Variants in VAV3 observed in about 807,000 individuals in gnomAD.
VAV3 encodes guanine nucleotide exchange factor VAV3.
A neutral mutation model predicts 131.2 loss-of-function variants in VAV3; 94 were observed. That is an observed-to-expected ratio of 0.72 (90% confidence interval 0.61 to 0.85). The LOEUF (loss-of-function observed/expected upper bound fraction) is 0.85. Ranked by LOEUF, VAV3 falls within the 40% of genes least tolerant of loss-of-function variation. The probability of loss-of-function intolerance (pLI) is 0.00; values close to 1 mark genes in which losing one functional copy is unlikely to be tolerated. For missense variants in VAV3, 939 were observed against 1,002.7 expected, an observed-to-expected ratio of 0.94 and a Z score of 0.86; for synonymous variants, 349 against 342.0, an observed-to-expected ratio of 1.02 and a Z score of -0.22.
intron 1 of VAV3, among the ~76,000 whole-genome samples, chr1:107,942,955 C>T (rs531161302): frequency 3.3e-5 from 5 of 152,298 alleles, no homozygotes; most frequent in South Asian, 2.1e-4. Flanking sequence ...ACAAAACTCA[C>T]GTTTTCTTGT....
intron 15 of VAV3, among the ~76,000 whole-genome samples, chr1:107,716,562 C>T (rs1661104940): frequency 1.3e-5 from 2 of 152,206 alleles, no homozygotes; most frequent in African/African-American, 4.8e-5. Flanking sequence ...GTTGAACCAG[C>T]CTTGCATCCC....
chr1:107,602,319 A>C (rs745967160), intron 24 of VAV3, 78 bp downstream of exon 24: 15 of 1,078,456 alleles, frequency 1.4e-5, no homozygotes, highest in Non-Finnish European at 1.9e-5. Context: ...AATTTCCAAG[A>C]AACTATAGAA....
intron 2 of VAV3, among the ~76,000 whole-genome samples, chr1:107,806,605 T>C (rs1667068503): frequency 6.6e-6 from 1 of 152,170 alleles, no homozygotes; most frequent in Admixed American, 6.5e-5. Context: ...AATACCAATA[T>C]TTTTATTGTA....
At chr1:107,784,632 G>T (rs1305417344) in intron 2 of VAV3, among the ~76,000 whole-genome samples, 1 of 152,146 alleles carries the variant, frequency 6.6e-6, no homozygotes, top group East Asian at 1.9e-4. Context: ...TCTGTTCATT[G>T]GTCTTTCAAT....
intron 2 of VAV3, among the ~76,000 whole-genome samples, chr1:107,827,685 T>C (rs1668074001): frequency 6.6e-6 from 1 of 152,160 alleles, no homozygotes; most frequent in Non-Finnish European, 1.5e-5. Flanking sequence ...ATCAAACATA[T>C]CTGAAGTTCC....
intron 15 of VAV3, among the ~76,000 whole-genome samples, chr1:107,723,563 C>T (rs1057209697): frequency 9.4e-6 from 1 of 106,706 alleles, no homozygotes; most frequent in African/African-American, 3.0e-5. Flanking sequence ...GTAATGTTTC[C>T]AGCTTCTGAG....
Position 107,574,162 on chromosome 1 carries a change from C to T in VAV3, c.2387G>A (p.Arg796Gln), listed in dbSNP as rs142668144. The change falls in exon 26 of 27, where the codon CGG becomes CAG. Residue 796 changes from arginine to glutamine, a missense_variant. Arg to Gln is a conservative substitution (Grantham distance 43). Transcript: ENST00000370056. ...CATATCTCTTGCACAGAAGTCATAC[C>T]GAGCGATGGCAATGCCCAGCACTTT... ...SPKVLGIAIA[R>Q]YDFCARDMRE... The T allele has an allele frequency of 1.2e-5, 19 of 1,613,904 alleles. No homozygotes were observed. The highest frequency in any genetic ancestry group is 8.0e-5 in the African/African-American group (6 of 75,028).
Position 107,596,277 on chromosome 1 carries a change from A to T in VAV3, c.2285T>A (p.Leu762Gln). ...KEGFRTLDTTLQFPYKEPEHS... is the reference protein window; with the variant it reads ...KEGFRTLDTTQQFPYKEPEHS... ...TTCTGGCTCCTTGTATGGAAACTGC[A>T]GAGTTGTATCTAAGGTTCTGAACCC... The change falls in exon 25 of 27, where the codon CTG (leucine) becomes CAG (glutamine). Residue 762 changes from leucine to glutamine, a missense_variant. By Grantham distance (113) the Leu-to-Gln change is moderately radical. Transcript: ENST00000370056. The T allele has an allele frequency of 6.2e-7, 1 of 1,613,656 alleles. No individual in the cohort carries two copies. The highest frequency in any genetic ancestry group is 8.5e-7 in the Non-Finnish European group (1 of 1,179,618).
chr1:107,809,007 T>C (rs17020085), intron 2 of VAV3, among the ~76,000 whole-genome samples: 12,639 of 152,138 alleles, frequency 0.083, 776 homozygotes, highest in East Asian at 0.27. Context: ...AGAAATAAGC[T>C]ATTCTAAACT....
chr1:107,839,610 C>T (rs2100917441), intron 2 of VAV3, among the ~76,000 whole-genome samples: 1 of 151,878 alleles, frequency 6.6e-6, no homozygotes, highest in Middle Eastern at 3.4e-3. Context: ...AAGCTTCCAC[C>T]CTAGGAAACT....
At chr1:107,820,789 CATTTCTCTGATCACCCATTTTTAAAA>C (rs1234798128) in intron 2 of VAV3, 1 of 152,090 alleles carries the variant, frequency 6.6e-6, no homozygotes, top group Admixed American at 6.6e-5. Context: ...AACTGACCTT[CATTTCTCTGATCACCCATTTTTAAAA>C]GTCTTTCCAA....
chr1:107,724,700 C>G (rs2494045), intron 15 of VAV3, among the ~76,000 whole-genome samples: 140,330 of 152,138 alleles, frequency 0.92, 64,830 homozygotes, highest in East Asian at 1. Context: ...TTCCCTAGCA[C>G]ACCTCAGCAG....
chr1:107,938,981 T>G (rs1369752549), intron 1 of VAV3, among the ~76,000 whole-genome samples: 3 of 152,202 alleles, frequency 2.0e-5, no homozygotes, highest in African/African-American at 7.2e-5. Context: ...CTATATCCAA[T>G]CCAGCTGATT....
intron 1 of VAV3, among the ~76,000 whole-genome samples, chr1:107,914,896 G>A (rs1157860364): frequency 2.0e-5 from 3 of 152,236 alleles, no homozygotes; most frequent in Non-Finnish European, 4.4e-5. Flanking sequence ...AGGCCTGGAG[G>A]CTAGCACAGG....
chr1:107,914,355 C>T (rs913963504), intron 1 of VAV3, among the ~76,000 whole-genome samples: 15 of 152,222 alleles, frequency 9.9e-5, no homozygotes, highest in African/African-American at 3.6e-4. Flanking sequence ...CTGGAGCTCG[C>T]AGCCTGGTTG....
intron 2 of VAV3, among the ~76,000 whole-genome samples, chr1:107,818,336 A>T (rs1052465085): frequency 1.3e-5 from 2 of 151,998 alleles, no homozygotes; most frequent in African/African-American, 4.8e-5. Context: ...TATATTCTCT[A>T]TACGTTTAGT....
chr1:107,906,651 G>C (rs140878573), intron 1 of VAV3, among the ~76,000 whole-genome samples: 29 of 151,970 alleles, frequency 1.9e-4, no homozygotes, highest in African/African-American at 7.0e-4. Context: ...GGGTGACAAA[G>C]CAAGACTCCA....
chr1:107,778,030 T>C lies in VAV3; in HGVS notation c.381-734A>G, dbSNP rs149151469. 2.2e-4 allele frequency among the ~76,000 whole-genome samples: 34 copies of C among 152,300 alleles called. No homozygotes were observed. The East Asian group carries it at 6.6e-3, about 29-fold the overall frequency. ...TCCTTTTTTCATAACTGCCTTAAATTTATGTCTAACAAAATCACAGTAAGC... is the reference window on the plus strand; with the variant it reads ...TCCTTTTTTCATAACTGCCTTAAATCTATGTCTAACAAAATCACAGTAAGC... On this transcript the variant is annotated intron_variant, in intron 3 of 26. Transcript: ENST00000370056.
chr1:107,718,049 A>C (rs1467348611), intron 15 of VAV3, among the ~76,000 whole-genome samples: 1 of 152,006 alleles, frequency 6.6e-6, no homozygotes, highest in Admixed American at 6.6e-5. Context: ...CATTGATGGA[A>C]CGTATCTCAA....
Sources: allele counts gnomAD v4.1 joint callset (sites outside exome capture counted in the v4.1 genomes callset), GRCh38; gene constraint gnomAD v4.1.1; transcripts MANE v1.5; gene names NCBI Gene and HGNC (gene_info 2026-07-23, HGNC 2026-07-21).